PARD3B: variants seen among roughly 807,000 people sequenced by gnomAD.
PARD3B encodes the protein partitioning defective 3 homolog B.
A neutral mutation model predicts 130.2 loss-of-function variants in PARD3B; 103 were observed. The observed-to-expected ratio is 0.79, with a 90% CI of 0.67 to 0.93. The LOEUF is 0.93. Among genes scored for constraint, PARD3B ranks in the 40% least tolerant of loss-of-function variants. The pLI is 0.00. For synonymous variants in PARD3B, 583 were observed against 553.2 expected, an observed-to-expected ratio of 1.05 and a Z score of -0.76; for missense variants, 1,609 against 1,499.2, an observed-to-expected ratio of 1.07 and a Z score of -1.21.
chr2:204,829,110 G>A (rs1467714316), intron 2 of PARD3B, among the ~76,000 whole-genome samples: 2 of 152,102 alleles, frequency 1.3e-5, no homozygotes, highest in South Asian at 2.1e-4. Flanking sequence ...GACTGATCTT[G>A]TTCTGAAACA....
intron 15 of PARD3B, among the ~76,000 whole-genome samples, chr2:205,211,694 A>T (rs527719015): frequency 3.6e-4 from 55 of 152,216 alleles, no homozygotes; most frequent in Non-Finnish European, 6.6e-4. Flanking sequence ...CTATCCAATG[A>T]AGGTATAAAA....
rs999198868 is a variant in PARD3B, at chr2:204,907,926, T to G, written c.223-57226T>G. ...TATGTTGGCCAGGCTGGTCTCAAAC[T>G]CCTGGCCTCAAGTGACCTGCCTGCC... On this transcript the variant is annotated intron_variant, in intron 2 of 22. Coordinates refer to ENST00000406610, the MANE Select transcript of PARD3B (RefSeq NM_001302769.2). This position sits in a 1 kb window ranked among gnomAD's most constrained non-coding sequence, Gnocchi z 5.7. Among the ~76,000 whole-genome samples the G allele has an allele frequency of 2.6e-5, 4 of 152,144 alleles. No individual in the cohort carries two copies. Among genetic ancestry groups the G allele is most frequent in the Non-Finnish European group, 5.9e-5 (4 of 68,010 alleles).
At chr2:204,925,965 G>T (rs1480680975) in intron 2 of PARD3B, among the ~76,000 whole-genome samples, 2 of 151,928 alleles carry the variant, frequency 1.3e-5, no homozygotes, top group African/African-American at 4.8e-5. Context: ...CTTGCCTTCT[G>T]CCGTGATTGT....
At chr2:205,242,571 A>G (rs1317929051) in intron 15 of PARD3B, among the ~76,000 whole-genome samples, 1 of 152,158 alleles carries the variant, frequency 6.6e-6, no homozygotes, top group Non-Finnish European at 1.5e-5. Context: ...GTGGTTGTGG[A>G]ATGATCCATA....
Position 205,447,049 on chromosome 2 carries a change from G to A in PARD3B, c.3044+6377G>A, listed in dbSNP as rs118179050. Among the ~76,000 whole-genome samples, 377 of 152,210 alleles carry A rather than the reference G, an allele frequency of 2.5e-3. 11 individuals carry two copies. In the East Asian group the frequency reaches 0.065, roughly 26 times the overall value. On this transcript the variant is annotated intron_variant, in intron 20 of 22. Transcript: ENST00000406610. Reference sequence around the variant, plus strand: ...TCAGTAAAAGAAAAAAATTGCTTTCGGGTGTTAACCTCTAAAAATATGGGC... The same window carrying A: ...TCAGTAAAAGAAAAAAATTGCTTTCAGGTGTTAACCTCTAAAAATATGGGC...
chr2:204,718,417 A>C (rs951425478), intron 2 of PARD3B, among the ~76,000 whole-genome samples: 1 of 152,178 alleles, frequency 6.6e-6, no homozygotes, highest in Non-Finnish European at 1.5e-5. Context: ...TACCTTCTTC[A>C]CAAGGTGGCA....
chr2:204,629,918 A>G (rs1434167320), intron 1 of PARD3B, among the ~76,000 whole-genome samples: 7 of 152,224 alleles, frequency 4.6e-5, no homozygotes, highest in Non-Finnish European at 8.8e-5. Flanking sequence ...TAACAAATAT[A>G]CCGAAAAGTT....
At chr2:204,607,886 A>G (rs1007452354) in intron 1 of PARD3B, among the ~76,000 whole-genome samples, 6 of 152,156 alleles carry the variant, frequency 3.9e-5, no homozygotes, top group African/African-American at 1.4e-4. Flanking sequence ...TGTTCATGTA[A>G]ATTGTAATCC....
rs1704010528 is a variant in PARD3B, at chr2:205,116,154, A to G, written c.680+2577A>G. On this transcript the variant is annotated intron_variant, in intron 6 of 22. Transcript: ENST00000406610. The surrounding 1 kb of genome is among the most constrained non-coding windows in gnomAD (Gnocchi z 4.5). ...ACAAAGCAAACATAAAAAAAACACCAAAGTTCTTGCAACTAAAATGCAACT... is the reference window on the plus strand; with the variant it reads ...ACAAAGCAAACATAAAAAAAACACCGAAGTTCTTGCAACTAAAATGCAACT... Among the ~76,000 whole-genome samples the G allele has an allele frequency of 6.6e-6, 1 of 152,190 alleles. No homozygotes were observed. Among genetic ancestry groups the G allele is most frequent in the African/African-American group, 2.4e-5 (1 of 41,446 alleles).
chr2:204,755,066 C>CA (rs34874226), intron 2 of PARD3B, among the ~76,000 whole-genome samples: 2 of 151,996 alleles, frequency 1.3e-5, no homozygotes, highest in South Asian at 2.1e-4. Context: ...GCCTTGCACG[C>CA]AAAAAATGGA....
intron 2 of PARD3B, among the ~76,000 whole-genome samples, chr2:204,845,969 T>C (rs969223107): frequency 2.0e-5 from 3 of 151,992 alleles, no homozygotes; most frequent in African/African-American, 7.3e-5. Flanking sequence ...AAGAGCCAGA[T>C]TGAGAAAGAA....
At chr2:205,357,097 C>G (rs1320780830) in intron 18 of PARD3B, among the ~76,000 whole-genome samples, 1 of 152,094 alleles carries the variant, frequency 6.6e-6, no homozygotes, top group Non-Finnish European at 1.5e-5. Context: ...GAATTTGGAC[C>G]AGCATATGTT....
At chr2:204,744,709 C>G (rs1192966778) in intron 2 of PARD3B, among the ~76,000 whole-genome samples, 1 of 152,066 alleles carries the variant, frequency 6.6e-6, no homozygotes, top group Non-Finnish European at 1.5e-5. Flanking sequence ...GAACTTAATT[C>G]CTGAGTGGGA....
At chr2:205,578,115 T>C (rs776784335) in intron 22 of PARD3B, among the ~76,000 whole-genome samples, 1 of 152,160 alleles carries the variant, frequency 6.6e-6, no homozygotes, top group African/African-American at 2.4e-5. Context: ...GCCCTGCTCA[T>C]TGGCCCCTGA....
rs560165225 is a variant in PARD3B, at chr2:205,280,720, A to G, written c.2186-19810A>G. Among the ~76,000 whole-genome samples the G allele has an allele frequency of 6.6e-5, 10 of 152,376 alleles. No homozygotes were observed. The highest frequency in any genetic ancestry group is 2.2e-4 in the African/African-American group (9 of 41,596). On this transcript the variant is annotated intron_variant, in intron 16 of 22. Coordinates refer to ENST00000406610, the MANE Select transcript of PARD3B (RefSeq NM_001302769.2). This position sits in a 1 kb window ranked among gnomAD's most constrained non-coding sequence, Gnocchi z 4.7. ...ATTACCCAGAGCCTTGACATGTCCT[A>G]TAATTGCCACTTGGCTAACAAACAT...
chr2:204,982,267 C>A lies in PARD3B; in HGVS notation c.394+16944C>A, dbSNP rs139651164. Among the ~76,000 whole-genome samples the A allele has an allele frequency of 4.4e-3, 675 of 152,228 alleles. 15 individuals carry two copies. The highest frequency in any genetic ancestry group is 0.043 in the East Asian group (222 of 5,174). Reference sequence around the variant, plus strand: ...GTAATTATATCTTGAAAAGATAAATCATTTGCACAATTTAGTGCTTATTAT... The same window carrying A: ...GTAATTATATCTTGAAAAGATAAATAATTTGCACAATTTAGTGCTTATTAT... On this transcript the variant is annotated intron_variant, in intron 3 of 22. Transcript: ENST00000406610.
intron 2 of PARD3B, among the ~76,000 whole-genome samples, chr2:204,938,123 G>T (rs111920171): frequency 0.087 from 13,204 of 152,214 alleles, 726 homozygotes; most frequent in Middle Eastern, 0.2. Flanking sequence ...TTTTTGTCTG[G>T]CTGGATGTCC....
chr2:204,985,973 C>T (rs1049723443), intron 3 of PARD3B, among the ~76,000 whole-genome samples: 87 of 151,754 alleles, frequency 5.7e-4, no homozygotes, highest in African/African-American at 1.4e-3. Context: ...TGATGGCAGG[C>T]GCCTGTAGCC....
chr2:204,753,916 A>T (rs1175396343), intron 2 of PARD3B, among the ~76,000 whole-genome samples: 1 of 152,088 alleles, frequency 6.6e-6, no homozygotes, highest in Non-Finnish European at 1.5e-5. Context: ...ATAATATAAA[A>T]TAAATAATTG....
Sources: allele counts gnomAD v4.1 joint callset (sites outside exome capture counted in the v4.1 genomes callset), GRCh38; gene constraint gnomAD v4.1.1; non-coding constraint Gnocchi (gnomAD v3.1); transcripts MANE v1.5; gene names NCBI Gene and HGNC (gene_info 2026-07-23, HGNC 2026-07-21).